LIMS1: variants seen among roughly 807,000 people sequenced by gnomAD.
LIMS1 encodes LIM and senescent cell antigen-like-containing domain protein 1.
LIMS1 carries 18 observed loss-of-function variants against 44.1 expected under a neutral mutation model. That is an observed-to-expected ratio of 0.41 (90% CI 0.28 to 0.61). The LOEUF (loss-of-function observed/expected upper bound fraction) is 0.61. Among genes scored for constraint, LIMS1 ranks in the 20% least tolerant of loss-of-function variants. The pLI, the probability that LIMS1 is intolerant of heterozygous loss-of-function variation, is 0.32. For synonymous variants in LIMS1, 93 were observed against 149.1 expected (o/e 0.62, Z 2.74); for missense variants, 201 against 422.0 (o/e 0.48, Z 4.59).
chr2:108,600,028 T>A (rs1686921963), intron 1 of LIMS1, among the ~76,000 whole-genome samples: 1 of 151,354 alleles, frequency 6.6e-6, no homozygotes, highest in East Asian at 2.0e-4. Flanking sequence ...ACAGAAGCTG[T>A]ATTTGTTGTT....
At chr2:108,667,435 C>T (rs1406092239) in intron 2 of LIMS1, among the ~76,000 whole-genome samples, 1 of 151,560 alleles carries the variant, frequency 6.6e-6, no homozygotes, top group African/African-American at 2.4e-5. Context: ...GATCCATGGT[C>T]AGTGTTCTTG....
intron 1 of LIMS1, among the ~76,000 whole-genome samples, chr2:108,536,017 TA>T (rs1233977657): frequency 1.3e-5 from 2 of 151,970 alleles, no homozygotes; most frequent in African/African-American, 4.8e-5. Flanking sequence ...CTTTTTTCCT[TA>T]AAAAAAAGTA....
At chr2:108,580,148 C>T (rs1192807965) in intron 1 of LIMS1, among the ~76,000 whole-genome samples, 1 of 152,162 alleles carries the variant, frequency 6.6e-6, no homozygotes, top group Non-Finnish European at 1.5e-5. Flanking sequence ...ATGGGCTGAA[C>T]TTACAGGTCT....
intron 1 of LIMS1, among the ~76,000 whole-genome samples, chr2:108,602,101 G>C (rs1270260618): frequency 1.3e-5 from 2 of 151,908 alleles, no homozygotes; most frequent in African/African-American, 4.8e-5. Flanking sequence ...TCTTTTTCAG[G>C]TCATTCACTA....
At chr2:108,600,953 T>C (rs1288607590) in intron 1 of LIMS1, among the ~76,000 whole-genome samples, 2 of 142,536 alleles carry the variant, frequency 1.4e-5, no homozygotes, top group African/African-American at 6.1e-5. Context: ...CACTTTTCTT[T>C]CACAGAGTCT....
At chr2:108,601,588 A>C (rs548923566) in intron 1 of LIMS1, among the ~76,000 whole-genome samples, 2 of 152,366 alleles carry the variant, frequency 1.3e-5, no homozygotes, top group South Asian at 4.1e-4. Context: ...GGGCTCACTC[A>C]ACCTGTTTCA....
chr2:108,610,517 T>C (rs140734754), intron 1 of LIMS1, among the ~76,000 whole-genome samples: 5 of 152,328 alleles, frequency 3.3e-5, no homozygotes, highest in African/African-American at 1.2e-4. Context: ...ACCTCAGGGC[T>C]GGTCCCTGAG....
intron 1 of LIMS1, among the ~76,000 whole-genome samples, chr2:108,599,646 G>A (rs1686895206): frequency 6.6e-6 from 1 of 152,180 alleles, no homozygotes; most frequent in African/African-American, 2.4e-5. Context: ...TCCACCAACA[G>A]GGTACAAGGG....
intron 5 of LIMS1, among the ~76,000 whole-genome samples, chr2:108,674,701 G>A (rs2149003274): frequency 1.0e-5 from 1 of 99,866 alleles, no homozygotes; most frequent in Non-Finnish European, 1.9e-5. Context: ...AGCCTGGGCA[G>A]CAAAGCAAGA....
intron 1 of LIMS1, among the ~76,000 whole-genome samples, chr2:108,638,424 T>C (rs1689425749): frequency 6.6e-6 from 1 of 152,148 alleles, no homozygotes. Context: ...ATGATGACAG[T>C]GTGCTTGGTG....
chr2:108,568,674 A>G (rs1414615143), intron 1 of LIMS1, among the ~76,000 whole-genome samples: 2 of 152,142 alleles, frequency 1.3e-5, no homozygotes, highest in Admixed American at 1.3e-4. Flanking sequence ...CCACATCCCC[A>G]CCTACATTTG....
chr2:108,541,325 A>T (rs1284927087), intron 1 of LIMS1, among the ~76,000 whole-genome samples: 3 of 152,202 alleles, frequency 2.0e-5, no homozygotes, highest in Non-Finnish European at 2.9e-5. Context: ...TGTCCATTTT[A>T]AAATTTGCCT....
At chr2:108,626,084 T>G (rs1478070273) in intron 1 of LIMS1, among the ~76,000 whole-genome samples, 2 of 152,246 alleles carry the variant, frequency 1.3e-5, no homozygotes, top group Non-Finnish European at 2.9e-5. Context: ...TGTCCTTGAT[T>G]CAAATAAGTT....
chr2:108,589,074 G>A (rs1161489195), intron 1 of LIMS1, among the ~76,000 whole-genome samples: 2 of 151,864 alleles, frequency 1.3e-5, no homozygotes, highest in African/African-American at 4.8e-5. Flanking sequence ...GTGGGGAAAT[G>A]TACTATTTAG....
intron 1 of LIMS1, among the ~76,000 whole-genome samples, chr2:108,574,452 C>G (rs1685596833): frequency 6.6e-6 from 1 of 152,172 alleles, no homozygotes; most frequent in South Asian, 2.1e-4. Flanking sequence ...CCAAGACTTA[C>G]CTTCTGCAAA....
At chr2:108,632,473 C>T (rs1318744884) in intron 1 of LIMS1, among the ~76,000 whole-genome samples, 6 of 152,262 alleles carry the variant, frequency 3.9e-5, no homozygotes, top group East Asian at 1.9e-4. Context: ...GGTCAGGCAA[C>T]GCGCATTCTC....
intron 1 of LIMS1, among the ~76,000 whole-genome samples, chr2:108,603,869 T>C (rs1176111150): frequency 6.6e-6 from 1 of 152,202 alleles, no homozygotes; most frequent in Non-Finnish European, 1.5e-5. Flanking sequence ...TCTTCTATTA[T>C]TAATTTTGGA....
At chr2:108,572,444 G>A (rs746208933) in intron 1 of LIMS1, among the ~76,000 whole-genome samples, 9 of 146,966 alleles carry the variant, frequency 6.1e-5, no homozygotes, top group Non-Finnish European at 1.0e-4. Flanking sequence ...GTGCAGTGGC[G>A]CAGTCTCAGC....
chr2:108,562,214 C>CA (rs374597667), intron 1 of LIMS1, among the ~76,000 whole-genome samples: 139 of 152,310 alleles, frequency 9.1e-4, no homozygotes, highest in African/African-American at 3.3e-3. Flanking sequence ...TTCCCTGAGA[C>CA]ACAACAATAT....
Sources: gnomAD v4.1 joint callset for allele counts (sites outside exome capture counted in the v4.1 genomes callset) on GRCh38, gnomAD v4.1.1 for gene constraint, MANE v1.5 for transcripts, NCBI Gene and HGNC (gene_info 2026-07-23, HGNC 2026-07-21) for gene names.